The following SDK1 variants were observed in gnomAD, a reference collection of about 807,000 sequenced individuals.
SDK1 encodes the protein protein sidekick-1.
A neutral mutation model predicts 245.5 loss-of-function variants in SDK1; 157 were observed. That is an observed-to-expected ratio of 0.64 (90% confidence interval 0.56 to 0.73). The LOEUF (loss-of-function observed/expected upper bound fraction) is 0.73, where lower values mean the gene tolerates loss of function less well. SDK1 is among the 30% of genes least tolerant of loss of function. SDK1 has a pLI of 0.00. For missense variants in SDK1, 3,583 were observed against 3,002.3 expected (o/e 1.19, Z -4.52); for synonymous variants, 1,647 against 1,278.5 (o/e 1.29, Z -6.15).
At chr7:3,604,200 A>G (rs1414038446) in intron 1 of SDK1, among the ~76,000 whole-genome samples, 1 of 152,186 alleles carries the variant, frequency 6.6e-6, no homozygotes, top group Non-Finnish European at 1.5e-5. Flanking sequence ...GGCCTCATAA[A>G]ATGAGTTAGA....
chr7:3,483,060 T>G (rs1781567528), intron 1 of SDK1, among the ~76,000 whole-genome samples: 1 of 152,220 alleles, frequency 6.6e-6, no homozygotes, highest in East Asian at 1.9e-4. Flanking sequence ...TGTTCAAATT[T>G]TTTCATTGTT....
chr7:3,368,891 T>G (rs770329169), intron 1 of SDK1, among the ~76,000 whole-genome samples: 1 of 152,160 alleles, frequency 6.6e-6, no homozygotes, highest in Non-Finnish European at 1.5e-5. Flanking sequence ...TCCTGTACTC[T>G]CTATTATATA....
chr7:3,459,090 C>T lies in SDK1; in HGVS notation c.298+157206C>T, dbSNP rs528271370. On this transcript the variant is annotated intron_variant, in intron 1 of 44. Coordinates refer to ENST00000404826, the MANE Select transcript of SDK1 (RefSeq NM_152744.4). ...GATTGCATTAAATCTATAGATTGAC[C>T]TGGGACAATTGACATCATTATAGTA... Among the ~76,000 whole-genome samples, 3 of 152,228 alleles carry T rather than the reference C, an allele frequency of 2.0e-5. No homozygotes were observed. The South Asian group carries it at 6.2e-4, about 32-fold the overall frequency.
chr7:3,877,956 AC>A (rs1781114971), intron 5 of SDK1, among the ~76,000 whole-genome samples: 1 of 152,248 alleles, frequency 6.6e-6, no homozygotes, highest in South Asian at 2.1e-4. Flanking sequence ...TCCTTAGAGT[AC>A]ATTCGTTGAA....
intron 17 of SDK1, among the ~76,000 whole-genome samples, chr7:4,047,805 C>T (rs1789128978): frequency 2.0e-5 from 3 of 152,196 alleles, no homozygotes; most frequent in Non-Finnish European, 4.4e-5. Flanking sequence ...CTTATGGGCT[C>T]AGGAAAAGTG....
intron 22 of SDK1, among the ~76,000 whole-genome samples, chr7:4,097,539 C>A (rs1349549577): frequency 6.6e-6 from 1 of 152,196 alleles, no homozygotes; most frequent in Non-Finnish European, 1.5e-5. Context: ...ATTGGGCCGC[C>A]CAAGGCCCAA....
At chr7:3,706,899 T>A (rs1223143489) in intron 4 of SDK1, among the ~76,000 whole-genome samples, 3 of 152,230 alleles carry the variant, frequency 2.0e-5, no homozygotes, top group Non-Finnish European at 4.4e-5. Flanking sequence ...GTGCTGTCAG[T>A]TGTAATGTCT....
intron 1 of SDK1, among the ~76,000 whole-genome samples, chr7:3,597,066 C>G (rs529435635): frequency 2.6e-5 from 4 of 151,744 alleles, no homozygotes; most frequent in Non-Finnish European, 4.4e-5. Context: ...GTCAGGAGAT[C>G]GAAACCATCC....
At chr7:3,771,173 C>T (rs1780396453) in intron 4 of SDK1, among the ~76,000 whole-genome samples, 2 of 152,120 alleles carry the variant, frequency 1.3e-5, no homozygotes, top group South Asian at 4.1e-4. Flanking sequence ...TCATGCTCTT[C>T]TCTCTGTGGT....
rs373101648 is a variant in SDK1, at chr7:3,820,609, T to C, written c.714-841T>C. Among the ~76,000 whole-genome samples, 66 of 152,344 alleles carry C rather than the reference T, an allele frequency of 4.3e-4. No homozygotes were observed. In the South Asian group the frequency reaches 0.013, roughly 30 times the overall value. ...TCTTGTTTTTATTCTTTTTTAAAAA[T>C]TAAGTAGTATAATGAGAGTCTTTCT... On this transcript the variant is annotated intron_variant, in intron 4 of 44. Transcript: ENST00000404826.
At position 4,265,735 on chromosome 7, in the gene SDK1, G is replaced by A. The variant is rs1028830118; in HGVS notation, c.*351G>A. The A allele has an allele frequency of 6.6e-6, 7 of 1,065,926 alleles. No individual in the cohort carries two copies. The highest frequency in any genetic ancestry group is 6.8e-6 in the Non-Finnish European group (6 of 885,514). The allele number at this position is 1,065,926 out of a possible 1,614,324, so 66.0% of individuals were successfully genotyped here. A position where few individuals can be genotyped will look rare whatever the true frequency, so the allele number is the denominator to read the frequency against. Reference sequence around the variant, plus strand: ...CAAGACCAACTAGGAAGGGTCAAGCGGGGAGAGGGAGTGGAGGGTCAGGTG... The same window carrying A: ...CAAGACCAACTAGGAAGGGTCAAGCAGGGAGAGGGAGTGGAGGGTCAGGTG... On this transcript the variant is annotated 3_prime_UTR_variant, in exon 45 of 45. Coordinates refer to ENST00000404826, the MANE Select transcript of SDK1 (RefSeq NM_152744.4).
At chr7:3,992,884 T>G (rs1187601411) in intron 14 of SDK1, among the ~76,000 whole-genome samples, 4 of 152,190 alleles carry the variant, frequency 2.6e-5, no homozygotes. Context: ...TGCAAATAAA[T>G]GCAAATTTTA....
At chr7:3,435,348 T>TTTTTG (rs1779990650) in intron 1 of SDK1, among the ~76,000 whole-genome samples, 1 of 98,714 alleles carries the variant, frequency 1.0e-5, no homozygotes, top group African/African-American at 3.5e-5. Flanking sequence ...TTTTTTTTTT[T>TTTTTG]GAGACGGAGT....
intron 25 of SDK1, among the ~76,000 whole-genome samples, chr7:4,122,302 CT>C (rs1784116957): frequency 6.6e-6 from 1 of 152,100 alleles, no homozygotes; most frequent in South Asian, 2.1e-4. Context: ...AAACTCGATC[CT>C]TTTTTGAAAT....
At chr7:3,314,258 A>G (rs1779613374) in intron 1 of SDK1, among the ~76,000 whole-genome samples, 1 of 152,234 alleles carries the variant, frequency 6.6e-6, no homozygotes, top group South Asian at 2.1e-4. Context: ...GCTGATCAAC[A>G]GGAGTGAGGA....
intron 14 of SDK1, among the ~76,000 whole-genome samples, chr7:3,991,921 A>C (rs928792267): frequency 6.6e-6 from 1 of 152,266 alleles, no homozygotes; most frequent in Non-Finnish European, 1.5e-5. Flanking sequence ...GCAGCTGAAC[A>C]TGCTGGCTAA....
intron 4 of SDK1, among the ~76,000 whole-genome samples, chr7:3,785,820 TGA>T (rs1780884162): frequency 6.6e-6 from 1 of 152,180 alleles, no homozygotes; most frequent in African/African-American, 2.4e-5. Context: ...AGATCTTGGT[TGA>T]GAGTTGTTGC....
chr7:3,417,817 A>G (rs1288355176), intron 1 of SDK1, among the ~76,000 whole-genome samples: 1 of 152,186 alleles, frequency 6.6e-6, no homozygotes, highest in Non-Finnish European at 1.5e-5. Flanking sequence ...GAGATATGGC[A>G]TGTCAGAGTC....
chr7:3,609,802 G>T (rs1206034465), intron 1 of SDK1, among the ~76,000 whole-genome samples: 1 of 147,692 alleles, frequency 6.8e-6, no homozygotes, highest in African/African-American at 2.5e-5. Context: ...CTGGGTTCAA[G>T]CGATTCTCCT....
Sources: gnomAD v4.1 joint callset for allele counts (sites outside exome capture counted in the v4.1 genomes callset) on GRCh38, gnomAD v4.1.1 for gene constraint, MANE v1.5 for transcripts, NCBI Gene and HGNC (gene_info 2026-07-23, HGNC 2026-07-21) for gene names.